CFAP299: variants seen among roughly 807,000 people sequenced by gnomAD.
CFAP299 encodes the protein cilia and flagella associated protein 299, also known as cilia- and flagella-associated protein 299.
In CFAP299, 21 loss-of-function variants were observed where a neutral mutation model predicts 27.0. That is an observed-to-expected ratio of 0.78 (90% CI 0.55 to 1.12). CFAP299 has a LOEUF of 1.12. Ranked by LOEUF, CFAP299 falls within the 50% of genes most tolerant of loss-of-function variation. CFAP299 has a pLI of 0.00. For synonymous variants in CFAP299, 104 were observed against 98.1 expected, an observed-to-expected ratio of 1.06 and a Z score of -0.36; for missense variants, 310 against 276.6, an observed-to-expected ratio of 1.12 and a Z score of -0.86.
chr4:80,490,070 C>T (rs1731036178), intron 2 of CFAP299, among the ~76,000 whole-genome samples: 1 of 152,114 alleles, frequency 6.6e-6, no homozygotes, highest in South Asian at 2.1e-4. Flanking sequence ...GCTGAGACAA[C>T]CCGCGTAAGT....
At chr4:80,734,451 G>A (rs531828991) in intron 3 of CFAP299, among the ~76,000 whole-genome samples, 32 of 151,882 alleles carry the variant, frequency 2.1e-4, no homozygotes, top group Non-Finnish European at 4.3e-4. Flanking sequence ...CCTTTGCTAT[G>A]CAGAAGCTTT....
intron 2 of CFAP299, among the ~76,000 whole-genome samples, chr4:80,455,810 A>C (rs1256801321): frequency 6.6e-6 from 1 of 152,166 alleles, no homozygotes; most frequent in African/African-American, 2.4e-5. Flanking sequence ...TGCTCTTCCC[A>C]TTCATTATCT....
At chr4:80,843,913 T>C (rs10016547) in intron 3 of CFAP299, among the ~76,000 whole-genome samples, 50,097 of 151,192 alleles carry the variant, frequency 0.33, 10,102 homozygotes, top group African/African-American at 0.56. Flanking sequence ...CTCCCCACTC[T>C]CCACAATAGT....
At chr4:80,705,807 G>A (rs1210941214) in intron 3 of CFAP299, among the ~76,000 whole-genome samples, 1 of 151,788 alleles carries the variant, frequency 6.6e-6, no homozygotes, top group African/African-American at 2.4e-5. Context: ...CTACTCAACG[G>A]TATTACTGTA....
chr4:80,517,963 G>C (rs1400197488), intron 2 of CFAP299, among the ~76,000 whole-genome samples: 1 of 152,138 alleles, frequency 6.6e-6, no homozygotes, highest in Non-Finnish European at 1.5e-5. Flanking sequence ...TCTAAGAATA[G>C]ATCTAAAATC....
intron 3 of CFAP299, among the ~76,000 whole-genome samples, chr4:80,717,736 G>A (rs1218664822): frequency 1.3e-5 from 2 of 151,940 alleles, no homozygotes; most frequent in Non-Finnish European, 1.5e-5. Context: ...AACCCAACTA[G>A]GTTGACATTT....
chr4:80,958,385 A>T (rs370729268), intron 5 of CFAP299, among the ~76,000 whole-genome samples: 82 of 152,304 alleles, frequency 5.4e-4, no homozygotes, highest in African/African-American at 1.9e-3. Flanking sequence ...CATCCTGGTA[A>T]AAAGGATGAC....
intron 2 of CFAP299, among the ~76,000 whole-genome samples, chr4:80,565,982 C>T (rs1015390415): frequency 6.6e-6 from 1 of 151,984 alleles, no homozygotes; most frequent in African/African-American, 2.4e-5. Context: ...TGCATTTGCA[C>T]CCTCATGACA....
intron 2 of CFAP299, among the ~76,000 whole-genome samples, chr4:80,428,538 C>CT (rs902229511): frequency 7.9e-5 from 12 of 151,250 alleles, no homozygotes; most frequent in East Asian, 3.9e-4. Context: ...TTTTTTCTTT[C>CT]TTTTTTTTGA....
intron 5 of CFAP299, 115 bp from the exon 6 acceptor site, chr4:80,963,402 A>G (rs1287522444): frequency 7.6e-6 from 5 of 661,124 alleles, no homozygotes; most frequent in African/African-American, 3.8e-5. Context: ...TCTCCGTGGA[A>G]ACAAACTTGC....
chr4:80,949,836 G>A (rs1467252532), intron 5 of CFAP299, among the ~76,000 whole-genome samples: 1 of 152,104 alleles, frequency 6.6e-6, no homozygotes, highest in Admixed American at 6.6e-5. Flanking sequence ...AGGAAATGGG[G>A]AAATATGCCA....
chr4:80,710,578 C>CT (rs5859734), intron 3 of CFAP299, among the ~76,000 whole-genome samples: 128,020 of 138,858 alleles, frequency 0.92, 59,033 homozygotes, highest in East Asian at 0.98. Context: ...AGAAATAAGA[C>CT]TTTTTTTTTT....
intron 3 of CFAP299, among the ~76,000 whole-genome samples, chr4:80,839,982 T>A (rs1489078434): frequency 1.3e-5 from 2 of 152,146 alleles, no homozygotes; most frequent in Admixed American, 1.3e-4. Flanking sequence ...GAAACTGCTT[T>A]ATGGGATTTT....
At position 80,359,439 on chromosome 4, in the gene CFAP299, C is replaced by T. The variant is rs189689615; in HGVS notation, c.112-3315C>T. Among the ~76,000 whole-genome samples, 3 of 152,276 alleles carry T rather than the reference C, an allele frequency of 2.0e-5. No individual in the cohort carries two copies. The East Asian group carries it at 5.8e-4, about 29-fold the overall frequency. ...TCCAAGTTGCTTCCATTCTCCCCATCTCTTTCAGGGACACCAATGAGTCCA... is the reference window on the plus strand; with the variant it reads ...TCCAAGTTGCTTCCATTCTCCCCATTTCTTTCAGGGACACCAATGAGTCCA... On this transcript the variant is annotated intron_variant, in intron 1 of 5. Transcript: ENST00000358105.
intron 3 of CFAP299, among the ~76,000 whole-genome samples, chr4:80,805,888 A>G (rs1257642334): frequency 6.6e-6 from 1 of 152,022 alleles, no homozygotes; most frequent in South Asian, 2.1e-4. Flanking sequence ...AAAAGTATTT[A>G]AAAAATTAAA....
intron 3 of CFAP299, among the ~76,000 whole-genome samples, chr4:80,857,039 T>C (rs1200127640): frequency 1.3e-5 from 2 of 152,190 alleles, no homozygotes; most frequent in Admixed American, 6.5e-5. Context: ...CCCATGAGCA[T>C]GGAATGTTCT....
chr4:80,664,788 C>A (rs755467794), intron 3 of CFAP299, among the ~76,000 whole-genome samples: 1 of 152,126 alleles, frequency 6.6e-6, no homozygotes, highest in South Asian at 2.1e-4. Context: ...AAAAAAAACT[C>A]CTGCAGCTAG....
intron 3 of CFAP299, among the ~76,000 whole-genome samples, chr4:80,662,824 T>C (rs2109983499): frequency 6.6e-6 from 1 of 152,240 alleles, no homozygotes; most frequent in African/African-American, 2.4e-5. Flanking sequence ...GCACTTTGGC[T>C]GATGACCAAA....
At chr4:80,843,521 A>C (rs975276957) in intron 3 of CFAP299, among the ~76,000 whole-genome samples, 1 of 152,112 alleles carries the variant, frequency 6.6e-6, no homozygotes, top group Non-Finnish European at 1.5e-5. Flanking sequence ...GCTATTGTGA[A>C]TAGTGCCACA....
Sources: allele counts gnomAD v4.1 joint callset (sites outside exome capture counted in the v4.1 genomes callset), GRCh38; gene constraint gnomAD v4.1.1; transcripts MANE v1.5; gene names NCBI Gene and HGNC (gene_info 2026-07-23, HGNC 2026-07-21).